The following ITGB4 variants were observed in gnomAD, a reference collection of about 807,000 sequenced individuals.
The protein encoded by ITGB4 is integrin subunit beta 4.
Under a neutral mutation model 207.6 loss-of-function variants are expected in ITGB4, and 159 were observed. The ratio of observed to expected loss-of-function variants is 0.77; its 90% CI spans 0.67 to 0.87. ITGB4 has a LOEUF of 0.87. ITGB4 is among the 40% of genes least tolerant of loss of function. The pLI is 0.00. For missense variants in ITGB4, 2,278 were observed against 2,546.8 expected (o/e 0.89, Z 2.27); for synonymous variants, 1,020 against 1,062.7 (o/e 0.96, Z 0.78).
At position 75,749,008 on chromosome 17, in the gene ITGB4, C is replaced by T. The variant is rs1343280066; in HGVS notation, c.3279C>T (p.Gly1093=). 1.9e-6 allele frequency: 3 copies of T among 1,612,578 alleles called. No individual in the cohort carries two copies. In the South Asian group the frequency reaches 3.3e-5, roughly 18 times the overall value. ...LSNPKFGAHL[G]QPHSTTIIIR... ...ACCCTAAGTTTGGGGCCCACCTGGG[C>T]CAGCCCCACTCCACCACCATCATCA... Residue 1093 remains glycine, a synonymous_variant, in exon 27 of 40, where the codon GGC becomes GGT. Coordinates refer to ENST00000200181, the MANE Select transcript of ITGB4 (RefSeq NM_000213.5).
In ITGB4 at chr17:75,727,214, C is replaced by T. The variant is rs1269062146; in HGVS notation, c.99C>T (p.Ala33=). Reference sequence around the variant, plus strand: ...CCCCAGCAAACCGCTGCAAGAAGGCCCCAGTGAAGAGCTGCACGGAGTGTG... The same window carrying T: ...CCCCAGCAAACCGCTGCAAGAAGGCTCCAGTGAAGAGCTGCACGGAGTGTG... ...SGTLANRCKK[A]PVKSCTECVR... Residue 33 remains alanine, a synonymous_variant, in exon 3 of 40, where the codon GCC becomes GCT. Coordinates refer to ENST00000200181, the MANE Select transcript of ITGB4 (RefSeq NM_000213.5). The surrounding 1 kb of genome is among the most constrained non-coding windows in gnomAD (Gnocchi z 6.0). The T allele has an allele frequency of 5.0e-6, 8 of 1,614,010 alleles. No homozygotes were observed. The East Asian group carries it at 1.8e-4, about 36-fold the overall frequency.
Position 75,731,877 on chromosome 17 carries a change from G to T in ITGB4, c.1281G>T (p.Pro427=), listed in dbSNP as rs150638695. The part of the protein sequence containing the change: ...HVDGTHVCQL[P]EDQKGNIHLK... The stretch of plus-strand genomic sequence containing the variant: ...ATGGGACGCACGTGTGCCAGCTGCC[G>T]GAGGACCAGAAGGGCAACATCCATC... The change falls in exon 11 of 40, where the codon CCG becomes CCT. Residue 427 remains proline, a synonymous_variant. Coordinates refer to ENST00000200181, the MANE Select transcript of ITGB4 (RefSeq NM_000213.5). The surrounding 1 kb of genome is among the most constrained non-coding windows in gnomAD (Gnocchi z 6.8). 1 of 1,613,718 alleles carries T rather than the reference G, an allele frequency of 6.2e-7. No homozygotes were observed. Among genetic ancestry groups the T allele is most frequent in the Non-Finnish European group, 8.5e-7 (1 of 1,179,940 alleles).
Position 75,736,526 on chromosome 17 carries a change from C to T in ITGB4, c.1861-39C>T, listed in dbSNP as rs759686378. ...GAGCGGGGGTCTGGCAGAGGCCCAC[C>T]CAACACAGTGCCTGTCTGCCCCGCC... On this transcript the variant is annotated intron_variant, in intron 15 of 39. Transcript: ENST00000200181. 1.2e-4 allele frequency: 194 copies of T among 1,590,388 alleles called. 2 individuals are homozygous for T. Among genetic ancestry groups the T allele is most frequent in the South Asian group, 9.4e-4 (83 of 88,494 alleles).
chr17:75,756,887 G>C (rs2603508), intron 37 of ITGB4, 28 bp downstream of exon 37: 1 of 1,612,176 alleles, frequency 6.2e-7, no homozygotes, highest in Non-Finnish European at 8.5e-7. Flanking sequence ...GGCAGGAGTG[G>C]CCAGGGGAGG....
rs909715912 is a variant in ITGB4 at position 75,722,487 on chromosome 17, G to T, written c.-11+875G>T. Among the ~76,000 whole-genome samples, 1 of 152,182 alleles carries T rather than the reference G, an allele frequency of 6.6e-6. No homozygotes were observed. The highest frequency in any genetic ancestry group is 1.5e-5 in the Non-Finnish European group (1 of 68,016). ...AAGGCTTGGAGTCTCCATCCTGGGG[G>T]CTGAGGGAAGGACAGCAGGAGGGAC... is the stretch of plus-strand genomic sequence containing the variant. On this transcript the variant is annotated intron_variant, in intron 1 of 39. Transcript: ENST00000200181. This position sits in a 1 kb window ranked among gnomAD's most constrained non-coding sequence, Gnocchi z 6.2.
chr17:75,754,374 T>G, intron 33 of ITGB4: 1 of 633,720 alleles, frequency 1.6e-6, no homozygotes, highest in Non-Finnish European at 2.8e-6. Flanking sequence ...GGCCAGAGGA[T>G]ATGGGCTGTG....
chr17:75,756,962 G>A lies in ITGB4; in HGVS notation c.5073G>A (p.Arg1691=). 6.2e-7 allele frequency: 1 copy of A among 1,612,732 alleles called. No homozygotes were observed. Among genetic ancestry groups the A allele is most frequent in the Non-Finnish European group, 8.5e-7 (1 of 1,179,944 alleles). The change falls in exon 38 of 40, where the codon CGG becomes CGA. Residue 1691 remains arginine (R), a synonymous_variant. Transcript: ENST00000200181. ...AQGGGPATAF[R]VDGDSPESRL... is the part of the protein sequence containing the mutation. ...GCTCAGGGCCAGCCACCGCATTCCGGGTGGATGGAGACAGCCCCGAGAGCC... is the reference window on the plus strand; with the variant it reads ...GCTCAGGGCCAGCCACCGCATTCCGAGTGGATGGAGACAGCCCCGAGAGCC...
At chr17:75,724,503 G>A (rs2060678396) in intron 1 of ITGB4, among the ~76,000 whole-genome samples, 191 bp from the exon 2 acceptor site, 1 of 152,286 alleles carries the variant, frequency 6.6e-6, no homozygotes, top group African/African-American at 2.4e-5. Flanking sequence ...GCCACTGCAG[G>A]GATGGCACGG....
intron 32 of ITGB4, among the ~76,000 whole-genome samples, 169 bp from the exon 33 acceptor site, chr17:75,753,596 G>A (rs1389590151): frequency 6.6e-6 from 1 of 152,162 alleles, no homozygotes; most frequent in Non-Finnish European, 1.5e-5. Flanking sequence ...CACCTGCCGC[G>A]GCCTTCCCGC....
chr17:75,751,003 A>C lies in ITGB4; in HGVS notation c.3685A>C (p.Asn1229His). 1 of 1,613,764 alleles carries C rather than the reference A, an allele frequency of 6.2e-7. No individual in the cohort carries two copies. Among genetic ancestry groups the C allele is most frequent in the East Asian group, 2.2e-5 (1 of 44,882 alleles). Reference sequence around the variant, plus strand: ...CAGCGAGCCAGGGCGTCTGGCCTTCAATGTCGTCTCCTCCACGGTGACCCA... The same window carrying C: ...CAGCGAGCCAGGGCGTCTGGCCTTCCATGTCGTCTCCTCCACGGTGACCCA... ...VPSEPGRLAF[N>H]VVSSTVTQLS... is the part of the protein sequence containing the mutation. Residue 1229 changes from asparagine to histidine, a missense_variant, in exon 30 of 40, where the codon AAT (asparagine) becomes CAT (histidine). Transcript: ENST00000200181.
chr17:75,731,760 C>A lies in ITGB4; in HGVS notation c.1216-52C>A. The A allele has an allele frequency of 6.5e-7, 1 of 1,527,432 alleles. No individual in the cohort carries two copies. 94.6% of individuals were successfully genotyped at this position (1,527,432 alleles called of 1,614,324 possible). A position where few individuals can be genotyped will look rare whatever the true frequency, so the allele number is the denominator to read the frequency against. Reference sequence around the variant, plus strand: ...CCGAGGGCCTTCAGGCATCGATGGCCCCCTGGTCCTTGGGGCTGGGCCTGC... The same window carrying A: ...CCGAGGGCCTTCAGGCATCGATGGCACCCTGGTCCTTGGGGCTGGGCCTGC... On this transcript the variant is annotated intron_variant, in intron 10 of 39. Coordinates refer to ENST00000200181, the MANE Select transcript of ITGB4 (RefSeq NM_000213.5). This position sits in a 1 kb window ranked among gnomAD's most constrained non-coding sequence, Gnocchi z 6.8.
At chr17:75,756,322 C>G in intron 35 of ITGB4, 107 bp from the exon 36 acceptor site, 2 of 1,246,696 alleles carry the variant, frequency 1.6e-6, no homozygotes, top group Non-Finnish European at 2.3e-6. Context: ...ACAGCTAGTC[C>G]TGGGTGGGTG....
chr17:75,728,048 G>A (rs1213502157), intron 5 of ITGB4, among the ~76,000 whole-genome samples, 193 bp downstream of exon 5: 1 of 152,168 alleles, frequency 6.6e-6, no homozygotes, highest in African/African-American at 2.4e-5. Flanking sequence ...GGACTTCTGA[G>A]AAGGCCCAGG....
chr17:75,724,100 C>G (rs2148449483), intron 1 of ITGB4, among the ~76,000 whole-genome samples: 1 of 152,332 alleles, frequency 6.6e-6, no homozygotes, highest in South Asian at 2.1e-4. Context: ...CAGGGGAGGG[C>G]AGATGATTCA....
chr17:75,756,774 G>A lies in ITGB4; in HGVS notation c.4968G>A (p.Ser1656=), dbSNP rs768794572. Residue 1656 remains serine (S), a synonymous_variant, in exon 37 of 40, where the codon TCG becomes TCA. Transcript: ENST00000200181. ...PLVFTALSPD[S]LQLSWERPRR... is the part of the protein sequence containing the mutation. ...TGTTCACTGCCCTGAGCCCAGACTC[G>A]CTGCAGCTGAGCTGGGAGCGGCCAC... 1.5e-5 allele frequency: 24 copies of A among 1,612,712 alleles called. No homozygotes were observed. The highest frequency in any genetic ancestry group is 1.2e-4 in the Admixed American group (7 of 60,004).
rs544817229 is a variant in ITGB4, at chr17:75,750,025, G to T, written c.3317-86G>T. ...CTGAGTTGAATGCGCTGGGTAGAGCGCCCTGGGTGTTGAAGTGGGTCTCTG... is the reference window on the plus strand; with the variant it reads ...CTGAGTTGAATGCGCTGGGTAGAGCTCCCTGGGTGTTGAAGTGGGTCTCTG... On this transcript the variant is annotated intron_variant, in intron 27 of 39. Transcript: ENST00000200181. This position sits in a 1 kb window ranked among gnomAD's most constrained non-coding sequence, Gnocchi z 5.5. 9.7e-6 allele frequency: 15 copies of T among 1,546,442 alleles called. No homozygotes were observed. The South Asian group carries it at 1.5e-4, about 15-fold the overall frequency.
chr17:75,733,515 A>G lies in ITGB4; in HGVS notation c.1480A>G (p.Thr494Ala). The G allele has an allele frequency of 1.2e-6, 2 of 1,613,490 alleles. No individual in the cohort carries two copies. The highest frequency in any genetic ancestry group is 4.5e-5 in the East Asian group (2 of 44,894). The change falls in exon 13 of 40, where the codon ACC (threonine) becomes GCC (alanine). Residue 494 changes from threonine to alanine, a missense_variant. Physicochemically the swap from Thr to Ala is moderately conservative, Grantham distance 58. Coordinates refer to ENST00000200181, the MANE Select transcript of ITGB4 (RefSeq NM_000213.5). The stretch of plus-strand genomic sequence containing the variant: ...GAGTGGCCAGACCTGCAACTGCTCC[A>G]CCGGCTCTCTGAGTGACATTCAGCC... ...GWSGQTCNCS[T>A]GSLSDIQPCL...
At chr17:75,757,341 C>T (rs1437729800) in intron 39 of ITGB4, 31 bp downstream of exon 39, 1 of 1,612,764 alleles carries the variant, frequency 6.2e-7, no homozygotes, top group African/African-American at 1.3e-5. Flanking sequence ...GATCCCGGCT[C>T]TCCTGGGACA....
Position 75,742,278 on chromosome 17 carries a change from G to A in ITGB4, c.2634-63G>A. 6.2e-7 allele frequency: 1 copy of A among 1,604,644 alleles called. No homozygotes were observed. The highest frequency in any genetic ancestry group is 1.1e-5 in the South Asian group (1 of 90,568). On this transcript the variant is annotated intron_variant, in intron 23 of 39. Coordinates refer to ENST00000200181, the MANE Select transcript of ITGB4 (RefSeq NM_000213.5). The surrounding 1 kb of genome is among the most constrained non-coding windows in gnomAD (Gnocchi z 5.9). The stretch of plus-strand genomic sequence containing the variant: ...CCTGAAGGGGAGAAGACAGGCAGGA[G>A]GGACAGGGCAGCAGGTGCCAGCCTG...
Sources: gnomAD v4.1 joint callset for allele counts (sites outside exome capture counted in the v4.1 genomes callset) on GRCh38, gnomAD v4.1.1 for gene constraint, Gnocchi (gnomAD v3.1) non-coding constraint, MANE v1.5 for transcripts, NCBI Gene and HGNC (gene_info 2026-07-23, HGNC 2026-07-21) for gene names.